The following HS3ST4 variants were observed in gnomAD, a reference collection of about 807,000 sequenced individuals.
HS3ST4 encodes heparan sulfate glucosamine 3-O-sulfotransferase 4.
In HS3ST4, 17 loss-of-function variants were observed where a neutral mutation model predicts 29.2. The ratio of observed to expected loss-of-function variants is 0.58; its 90% CI spans 0.40 to 0.87. The LOEUF is 0.87. Among genes scored for constraint, HS3ST4 ranks in the 40% least tolerant of loss-of-function variants. The pLI, the probability that HS3ST4 is intolerant of heterozygous loss-of-function variation, is 0.00. For synonymous variants in HS3ST4, 314 were observed against 285.7 expected, an observed-to-expected ratio of 1.10 and a Z score of -1.00; for missense variants, 627 against 634.5, an observed-to-expected ratio of 0.99 and a Z score of 0.13.
chr16:25,911,799 G>A (rs897555371), intron 1 of HS3ST4, among the ~76,000 whole-genome samples: 1 of 152,082 alleles, frequency 6.6e-6, no homozygotes, highest in African/African-American at 2.4e-5. Context: ...ATGAGCCATT[G>A]TGCCTGACTC....
chr16:25,715,600 C>T (rs1966449041), intron 1 of HS3ST4, among the ~76,000 whole-genome samples: 1 of 152,242 alleles, frequency 6.6e-6, no homozygotes, highest in South Asian at 2.1e-4. Flanking sequence ...TCTCTTTGAA[C>T]TGCTGCGGAA....
intron 1 of HS3ST4, among the ~76,000 whole-genome samples, chr16:25,941,301 A>G (rs1184002862): frequency 6.6e-6 from 1 of 152,076 alleles, no homozygotes; most frequent in African/African-American, 2.4e-5. Flanking sequence ...CTGGGATTAC[A>G]GGCATGCATG....
chr16:26,066,986 T>C lies in HS3ST4; in HGVS notation c.735-68626T>C, dbSNP rs150358438. On this transcript the variant is annotated intron_variant, in intron 1 of 1. Coordinates refer to ENST00000331351, the MANE Select transcript of HS3ST4 (RefSeq NM_006040.3). ...TGTGGAACAGGACTGCAGATACAGA[T>C]AAAGTCATATGAGGACTCCCAGGAG... Among the ~76,000 whole-genome samples the C allele has an allele frequency of 2.6e-3, 394 of 152,250 alleles. 8 individuals carry two copies. Among genetic ancestry groups the C allele is most frequent in the Admixed American group, 0.014 (217 of 15,296 alleles).
intron 1 of HS3ST4, among the ~76,000 whole-genome samples, chr16:26,061,957 G>A (rs1898481053): frequency 1.3e-5 from 2 of 152,088 alleles, no homozygotes; most frequent in African/African-American, 4.8e-5. Context: ...ACCCTAGTTG[G>A]ACTGATTTAG....
At chr16:25,954,404 T>G (rs1442349926) in intron 1 of HS3ST4, among the ~76,000 whole-genome samples, 4 of 152,120 alleles carry the variant, frequency 2.6e-5, no homozygotes, top group African/African-American at 4.8e-5. Flanking sequence ...GACAGAACGG[T>G]TTCTAGCTGC....
chr16:25,876,016 A>G (rs1323843745), intron 1 of HS3ST4, among the ~76,000 whole-genome samples: 1 of 152,142 alleles, frequency 6.6e-6, no homozygotes, highest in Non-Finnish European at 1.5e-5. Flanking sequence ...GACTCAGAAA[A>G]CCAAGGAATT....
chr16:25,930,979 G>T (rs1415793416), intron 1 of HS3ST4, among the ~76,000 whole-genome samples: 1 of 152,138 alleles, frequency 6.6e-6, no homozygotes, highest in African/African-American at 2.4e-5. Context: ...TCACTGTGTT[G>T]CCCAGGCTGG....
chr16:25,752,767 A>G (rs1216515678), intron 1 of HS3ST4, among the ~76,000 whole-genome samples: 2 of 152,222 alleles, frequency 1.3e-5, no homozygotes, highest in African/African-American at 4.8e-5. Context: ...TTTAGGTGCC[A>G]TATTGCTAAC....
At chr16:25,699,292 A>G (rs918408857) in intron 1 of HS3ST4, among the ~76,000 whole-genome samples, 1 of 152,230 alleles carries the variant, frequency 6.6e-6, no homozygotes, top group East Asian at 1.9e-4. Flanking sequence ...ATTTTGTAAC[A>G]GCATGGGGGA....
chr16:25,757,982 A>G (rs1966767531), intron 1 of HS3ST4, among the ~76,000 whole-genome samples: 1 of 152,138 alleles, frequency 6.6e-6, no homozygotes, highest in Admixed American at 6.5e-5. Context: ...TAAGCGGCAC[A>G]CAATCCCTGT....
At chr16:26,117,658 G>C (rs1381776167) in intron 1 of HS3ST4, among the ~76,000 whole-genome samples, 1 of 152,208 alleles carries the variant, frequency 6.6e-6, no homozygotes, top group Non-Finnish European at 1.5e-5. Flanking sequence ...ATATCTGGTA[G>C]CAATGAGATG....
intron 1 of HS3ST4, among the ~76,000 whole-genome samples, chr16:25,813,247 T>C (rs1339069779): frequency 6.6e-6 from 1 of 152,194 alleles, no homozygotes; most frequent in Non-Finnish European, 1.5e-5. Flanking sequence ...GATACCATTC[T>C]ACAGCCACTA....
intron 1 of HS3ST4, among the ~76,000 whole-genome samples, chr16:26,012,713 T>C (rs4787802): frequency 0.022 from 3,382 of 152,332 alleles, 130 homozygotes; most frequent in African/African-American, 0.074. Flanking sequence ...ACATTCTTTA[T>C]ATTCTCAGTG....
chr16:25,722,768 CA>C (rs1482827844), intron 1 of HS3ST4, among the ~76,000 whole-genome samples: 1 of 152,138 alleles, frequency 6.6e-6, no homozygotes, highest in African/African-American at 2.4e-5. Flanking sequence ...GTATGTGACT[CA>C]GTTTGCTTAT....
At chr16:26,031,093 G>A (rs1969526410) in intron 1 of HS3ST4, among the ~76,000 whole-genome samples, 2 of 152,186 alleles carry the variant, frequency 1.3e-5, no homozygotes, top group South Asian at 4.2e-4. Context: ...CAGACACTGG[G>A]TAAAACCATG....
intron 1 of HS3ST4, chr16:25,826,107 A>G (rs1218880387): frequency 6.6e-6 from 1 of 152,202 alleles, no homozygotes; most frequent in African/African-American, 2.4e-5. Flanking sequence ...TATTCTCCAG[A>G]TGGCTTGTTT....
At chr16:25,961,743 T>C (rs903748343) in intron 1 of HS3ST4, among the ~76,000 whole-genome samples, 6 of 151,978 alleles carry the variant, frequency 3.9e-5, no homozygotes, top group Non-Finnish European at 8.8e-5. Context: ...AAGGAAAAAA[T>C]TGATGCACAG....
chr16:26,112,248 GTA>G (rs780027043), intron 1 of HS3ST4, among the ~76,000 whole-genome samples: 33 of 95,260 alleles, frequency 3.5e-4, no homozygotes, highest in South Asian at 6.6e-4. Flanking sequence ...GTGTGTGTGT[GTA>G]TGTGTGTGTG....
intron 1 of HS3ST4, among the ~76,000 whole-genome samples, chr16:25,696,469 G>C (rs533848412): frequency 6.6e-5 from 10 of 151,566 alleles, no homozygotes; most frequent in African/African-American, 2.2e-4. Flanking sequence ...CAGCCCCAGG[G>C]CAATGGGAAG....
Sources: gnomAD v4.1 joint callset for allele counts (sites outside exome capture counted in the v4.1 genomes callset) on GRCh38, gnomAD v4.1.1 for gene constraint, MANE v1.5 for transcripts, NCBI Gene and HGNC (gene_info 2026-07-23, HGNC 2026-07-21) for gene names.